The following IMMP2L variants were observed in gnomAD, a reference collection of about 807,000 sequenced individuals.
The protein encoded by IMMP2L is mitochondrial inner membrane protease subunit 2.
IMMP2L carries 18 observed loss-of-function variants against 19.3 expected under a neutral mutation model. The observed-to-expected ratio is 0.93, with a 90% CI of 0.64 to 1.38. The LOEUF is 1.38. Among genes scored for constraint, IMMP2L ranks in the 40% most tolerant of loss-of-function variants. IMMP2L has a pLI of 0.00. For synonymous variants in IMMP2L, 76 were observed against 73.0 expected, an observed-to-expected ratio of 1.04 and a Z score of -0.21; for missense variants, 233 against 218.2, an observed-to-expected ratio of 1.07 and a Z score of -0.43.
At chr7:111,220,496 G>A (rs898479200) in intron 3 of IMMP2L, among the ~76,000 whole-genome samples, 2 of 151,796 alleles carry the variant, frequency 1.3e-5, no homozygotes, top group African/African-American at 4.8e-5. Flanking sequence ...TATATTAAAT[G>A]CAAGAAAAAT....
At chr7:111,033,565 C>A (rs1791045128) in intron 3 of IMMP2L, among the ~76,000 whole-genome samples, 2 of 152,168 alleles carry the variant, frequency 1.3e-5, no homozygotes, top group Admixed American at 1.3e-4. Context: ...AACTTGTAAA[C>A]AACTAAGATA....
chr7:110,959,756 G>A lies in IMMP2L; in HGVS notation c.305+3744C>T, dbSNP rs144239310. On this transcript the variant is annotated intron_variant, in intron 4 of 5. Coordinates refer to ENST00000405709, the MANE Select transcript of IMMP2L (RefSeq NM_032549.4). The stretch of plus-strand genomic sequence containing the variant: ...GGACAGATAGACCCATATGACCCTG[G>A]TGTCAATTCGCAGACTTTACACATG... 1.7e-3 allele frequency among the ~76,000 whole-genome samples: 259 copies of A among 151,998 alleles called. 12 individuals carry two copies. In the East Asian group the frequency reaches 0.037, roughly 22 times the overall value.
intron 3 of IMMP2L, among the ~76,000 whole-genome samples, chr7:111,156,847 G>T (rs1386634574): frequency 6.6e-6 from 1 of 151,612 alleles, no homozygotes; most frequent in Non-Finnish European, 1.5e-5. Flanking sequence ...TTTTTTTTCT[G>T]TGAGGAGGTT....
intron 5 of IMMP2L, among the ~76,000 whole-genome samples, chr7:110,796,790 T>C (rs1456757137): frequency 6.6e-6 from 1 of 152,054 alleles, no homozygotes; most frequent in Non-Finnish European, 1.5e-5. Context: ...GGGTTCCTTC[T>C]TTCAATACTT....
At chr7:110,685,435 A>T (rs1261454801) in intron 5 of IMMP2L, among the ~76,000 whole-genome samples, 1 of 152,176 alleles carries the variant, frequency 6.6e-6, no homozygotes, top group African/African-American at 2.4e-5. Context: ...GCAGCCCCAT[A>T]GAAAGTCAGG....
intron 5 of IMMP2L, among the ~76,000 whole-genome samples, chr7:110,850,217 T>A (rs1361273742): frequency 6.6e-6 from 1 of 151,920 alleles, no homozygotes; most frequent in Non-Finnish European, 1.5e-5. Flanking sequence ...CAGGATCTGG[T>A]CCATACAAAA....
intron 5 of IMMP2L, among the ~76,000 whole-genome samples, chr7:110,885,062 A>C (rs1376578621): frequency 6.6e-6 from 1 of 152,074 alleles, no homozygotes; most frequent in Non-Finnish European, 1.5e-5. Flanking sequence ...TTAGAAAAAA[A>C]CTATATGGAT....
At chr7:111,556,039 T>TATATATATATATATATAC (rs1192398339) in intron 1 of IMMP2L, among the ~76,000 whole-genome samples, 2 of 139,594 alleles carry the variant, frequency 1.4e-5, no homozygotes, top group Non-Finnish European at 3.1e-5. Context: ...TATATATACA[T>TATATATATATATATATAC]ACCCAAAGAA....
chr7:111,185,360 C>T (rs1437626135), intron 3 of IMMP2L, among the ~76,000 whole-genome samples: 3 of 152,096 alleles, frequency 2.0e-5, no homozygotes, highest in Non-Finnish European at 2.9e-5. Flanking sequence ...AGCAATCACC[C>T]GTAACTCATA....
At chr7:110,804,321 C>T (rs1366167545) in intron 5 of IMMP2L, among the ~76,000 whole-genome samples, 1 of 151,978 alleles carries the variant, frequency 6.6e-6, no homozygotes, top group Non-Finnish European at 1.5e-5. Flanking sequence ...CAAATATTTG[C>T]ATGGCAAAAG....
chr7:110,838,423 T>C (rs1188613766), intron 5 of IMMP2L, among the ~76,000 whole-genome samples: 1 of 152,120 alleles, frequency 6.6e-6, no homozygotes, highest in East Asian at 1.9e-4. Flanking sequence ...TCCCCGAATT[T>C]CATGTGTTAG....
At chr7:111,023,470 G>A (rs1366205019) in intron 3 of IMMP2L, among the ~76,000 whole-genome samples, 2 of 151,954 alleles carry the variant, frequency 1.3e-5, no homozygotes, top group East Asian at 1.9e-4. Context: ...GGAGGCCAAG[G>A]TGGGTGGATC....
intron 5 of IMMP2L, among the ~76,000 whole-genome samples, chr7:110,797,125 G>A (rs991600267): frequency 1.3e-5 from 2 of 151,890 alleles, no homozygotes; most frequent in African/African-American, 2.4e-5. Context: ...AAGGTAAAGA[G>A]CAAGGTGATC....
chr7:110,809,343 T>C (rs1801860722), intron 5 of IMMP2L, among the ~76,000 whole-genome samples: 1 of 152,046 alleles, frequency 6.6e-6, no homozygotes, highest in African/African-American at 2.4e-5. Flanking sequence ...ATACCTGTCA[T>C]GCCTATCAAC....
At chr7:111,184,799 A>T (rs982436143) in intron 3 of IMMP2L, among the ~76,000 whole-genome samples, 4 of 151,962 alleles carry the variant, frequency 2.6e-5, no homozygotes, top group African/African-American at 9.7e-5. Context: ...GTGTGTTCAG[A>T]AGGCATAAAA....
At chr7:111,491,705 T>G (rs1388918903) in intron 2 of IMMP2L, among the ~76,000 whole-genome samples, 1 of 152,086 alleles carries the variant, frequency 6.6e-6, no homozygotes, top group Non-Finnish European at 1.5e-5. Flanking sequence ...TCATTCATAT[T>G]TCTCATTCAA....
At chr7:111,072,901 C>CAA (rs34223033) in intron 3 of IMMP2L, among the ~76,000 whole-genome samples, 32 of 72,884 alleles carry the variant, frequency 4.4e-4, no homozygotes, top group Admixed American at 7.7e-4. Flanking sequence ...AGACTGTCTC[C>CAA]AAAAAAAAAA....
chr7:110,735,687 C>T (rs1796580316), intron 5 of IMMP2L, among the ~76,000 whole-genome samples: 1 of 76,146 alleles, frequency 1.3e-5, no homozygotes, highest in Admixed American at 1.5e-4. Context: ...CAAATACACA[C>T]ACACACACAC....
intron 3 of IMMP2L, among the ~76,000 whole-genome samples, chr7:111,345,117 T>A (rs1827408245): frequency 6.6e-6 from 1 of 152,146 alleles, no homozygotes; most frequent in African/African-American, 2.4e-5. Context: ...GAATGAAAAC[T>A]GGAAATTTCA....
Sources: gnomAD v4.1 joint callset for allele counts (sites outside exome capture counted in the v4.1 genomes callset) on GRCh38, gnomAD v4.1.1 for gene constraint, MANE v1.5 for transcripts, NCBI Gene and HGNC (gene_info 2026-07-23, HGNC 2026-07-21) for gene names.